The following TLN2 variants were observed in gnomAD, a reference collection of about 807,000 sequenced individuals.
TLN2 encodes the protein talin 2.
A neutral mutation model predicts 294.7 loss-of-function variants in TLN2; 118 were observed. That is an observed-to-expected ratio of 0.40 (90% CI 0.34 to 0.47). The LOEUF (loss-of-function observed/expected upper bound fraction) is 0.47, where lower values mean the gene tolerates loss of function less well. Ranked by LOEUF, TLN2 falls within the 20% of genes least tolerant of loss-of-function variation. The pLI is 0.84. For synonymous variants in TLN2, 1,431 were observed against 1,304.5 expected, an observed-to-expected ratio of 1.10 and a Z score of -2.09; for missense variants, 3,083 against 3,282.2, an observed-to-expected ratio of 0.94 and a Z score of 1.48.
At chr15:62,822,698 C>T (rs1199985184) in intron 54 of TLN2, among the ~76,000 whole-genome samples, 1 of 152,046 alleles carries the variant, frequency 6.6e-6, no homozygotes, top group Non-Finnish European at 1.5e-5. Context: ...AGCTACTCCT[C>T]GAAGGAATAT....
At position 62,700,331 on chromosome 15, in the gene TLN2, G is replaced by A. The variant is rs919734691; in HGVS notation, c.1588-775G>A. ...AAGCAGATGAGCACCTTACTGCAGG[G>A]TCATCATTATCAAGATAAATGATCA... On this transcript the variant is annotated intron_variant, in intron 16 of 58. Transcript: ENST00000636159. 9.2e-5 allele frequency among the ~76,000 whole-genome samples: 14 copies of A among 152,244 alleles called. 1 individual carries two copies. The highest frequency in any genetic ancestry group is 3.1e-4 in the African/African-American group (13 of 41,532).
At chr15:62,613,976 T>C (rs907609722) in intron 2 of TLN2, among the ~76,000 whole-genome samples, 2 of 151,500 alleles carry the variant, frequency 1.3e-5, no homozygotes, top group Non-Finnish European at 2.9e-5. Flanking sequence ...AAAGCAAGAG[T>C]TGAGGGGGAC....
At chr15:62,686,926 T>C in intron 12 of TLN2, 130 bp downstream of exon 12, 3 of 1,284,284 alleles carry the variant, frequency 2.3e-6, no homozygotes, top group Non-Finnish European at 3.2e-6. Flanking sequence ...GTGAGGAAGA[T>C]GGTGCAAGCC....
intron 16 of TLN2, 106 bp from the exon 17 acceptor site, chr15:62,701,000 A>T: frequency 5.2e-6 from 5 of 964,722 alleles, no homozygotes; most frequent in Non-Finnish European, 8.1e-6. Context: ...CTGGCCTCAT[A>T]AGAAGAATGT....
intron 43 of TLN2, among the ~76,000 whole-genome samples, chr15:62,780,036 A>G (rs1050047802): frequency 6.6e-6 from 1 of 152,184 alleles, no homozygotes; most frequent in Non-Finnish European, 1.5e-5. Flanking sequence ...TGCCAGGGAA[A>G]TCTCAAATAC....
chr15:62,749,817 G>A (rs1013747202), intron 33 of TLN2, among the ~76,000 whole-genome samples: 1 of 152,232 alleles, frequency 6.6e-6, no homozygotes, highest in Admixed American at 6.5e-5. Context: ...TAGAGACACA[G>A]AGCCAGGCCC....
At chr15:62,713,423 A>G (rs888688288) in intron 22 of TLN2, among the ~76,000 whole-genome samples, 2 of 152,144 alleles carry the variant, frequency 1.3e-5, no homozygotes, top group Non-Finnish European at 2.9e-5. Flanking sequence ...ACACGCCTGT[A>G]ATCCCAGCAC....
Position 62,783,673 on chromosome 15 carries a change from C to T in TLN2, c.5617-98C>T. The T allele has an allele frequency of 2.1e-6, 3 of 1,462,182 alleles. No homozygotes were observed. The South Asian group carries it at 4.3e-5, about 21-fold the overall frequency. The allele number at this position is 1,462,182 out of a possible 1,614,324, so 90.6% of individuals were successfully genotyped here. A position where few individuals can be genotyped will look rare whatever the true frequency, so the allele number is the denominator to read the frequency against. On this transcript the variant is annotated intron_variant, in intron 44 of 58. Transcript: ENST00000636159. ...CTCAGGAGCTTAAAAGTGAATGAAA[C>T]CCTTTGGCTTCCAGTGATATTAACA...
At chr15:62,780,519 C>G (rs1236104534) in intron 43 of TLN2, among the ~76,000 whole-genome samples, 1 of 152,200 alleles carries the variant, frequency 6.6e-6, no homozygotes, top group Non-Finnish European at 1.5e-5. Flanking sequence ...TGTCCCCAAG[C>G]CTTCAAGGGA....
At chr15:62,711,655 C>G (rs946732046) in intron 21 of TLN2, among the ~76,000 whole-genome samples, 1 of 152,212 alleles carries the variant, frequency 6.6e-6, no homozygotes, top group Non-Finnish European at 1.5e-5. Flanking sequence ...TCCTCTTTGG[C>G]TGCTTCTGTT....
intron 9 of TLN2, among the ~76,000 whole-genome samples, chr15:62,666,523 T>A (rs1384224756): frequency 6.6e-6 from 1 of 152,164 alleles, no homozygotes; most frequent in African/African-American, 2.4e-5. Flanking sequence ...AGAAATAAAT[T>A]TTCTGTTCTT....
At chr15:62,518,323 C>T (rs1250413198) in intron 1 of TLN2, among the ~76,000 whole-genome samples, 1 of 152,174 alleles carries the variant, frequency 6.6e-6, no homozygotes, top group Non-Finnish European at 1.5e-5. Context: ...AGGCGTGAGC[C>T]ACCACCAGCA....
chr15:62,567,428 T>A (rs12902838), intron 1 of TLN2, among the ~76,000 whole-genome samples: 31,944 of 152,186 alleles, frequency 0.21, 3,857 homozygotes, highest in East Asian at 0.53. Flanking sequence ...TGTAAAGCTC[T>A]CTGTGTCATG....
chr15:62,843,878 A>T lies in TLN2; in HGVS notation c.*3268A>T, dbSNP rs1718873225. ...GAGGAGCCTTGGTTTCCTCCCTGGC[A>T]GATAGTCCCCAGAATCTTCTCTCCC... On this transcript the variant is annotated 3_prime_UTR_variant, in exon 59 of 59. Coordinates refer to ENST00000636159, the MANE Select transcript of TLN2 (RefSeq NM_015059.3). The T allele has an allele frequency of 6.6e-6, 1 of 152,138 alleles. No individual in the cohort carries two copies. 9.4% of individuals were successfully genotyped at this position (152,138 alleles called of 1,614,324 possible).
At chr15:62,640,688 G>T (rs182877631) in intron 3 of TLN2, among the ~76,000 whole-genome samples, 1 of 152,128 alleles carries the variant, frequency 6.6e-6, no homozygotes, top group Non-Finnish European at 1.5e-5. Flanking sequence ...TAGCTGCTTC[G>T]CACACACACT....
chr15:62,537,024 G>GTT (rs11331926), intron 1 of TLN2, among the ~76,000 whole-genome samples: 21 of 144,754 alleles, frequency 1.5e-4, no homozygotes, highest in South Asian at 6.6e-4. Context: ...TCATTGTAGT[G>GTT]TTTTTTTTTT....
At position 62,542,557 on chromosome 15, in the gene TLN2, T is replaced by C. The variant is rs2041758600; in HGVS notation, c.-237-47130T>C. On this transcript the variant is annotated intron_variant, in intron 1 of 58. Coordinates refer to ENST00000636159, the MANE Select transcript of TLN2 (RefSeq NM_015059.3). ...AACTGCAGATAACGGGAAAATACTGTATATACTAGGATCCTTTTGGTTGCA... is the reference window on the plus strand; with the variant it reads ...AACTGCAGATAACGGGAAAATACTGCATATACTAGGATCCTTTTGGTTGCA... Among the ~76,000 whole-genome samples the C allele has an allele frequency of 2.0e-5, 3 of 152,166 alleles. No homozygotes were observed. The South Asian group carries it at 6.2e-4, about 31-fold the overall frequency.
At chr15:62,559,316 A>T (rs1284398611) in intron 1 of TLN2, among the ~76,000 whole-genome samples, 2 of 152,164 alleles carry the variant, frequency 1.3e-5, no homozygotes, top group African/African-American at 4.8e-5. Flanking sequence ...CAATCTAAGT[A>T]ACTGAGGCCA....
intron 1 of TLN2, among the ~76,000 whole-genome samples, chr15:62,459,554 G>A (rs1411515779): frequency 6.6e-6 from 1 of 152,168 alleles, no homozygotes; most frequent in Non-Finnish European, 1.5e-5. Flanking sequence ...GTGTATGAGT[G>A]TGTGAATGAA....
Sources: gnomAD v4.1 joint callset for allele counts (sites outside exome capture counted in the v4.1 genomes callset) on GRCh38, gnomAD v4.1.1 for gene constraint, MANE v1.5 for transcripts, NCBI Gene and HGNC (gene_info 2026-07-23, HGNC 2026-07-21) for gene names.